SMOC2: variants seen among roughly 807,000 people sequenced by gnomAD.
SMOC2 encodes SPARC related modular calcium binding 2.
SMOC2 carries 39 observed loss-of-function variants against 61.4 expected under a neutral mutation model. The ratio of observed to expected loss-of-function variants is 0.64; its 90% confidence interval spans 0.49 to 0.83. The LOEUF is 0.83. Ranked by LOEUF, SMOC2 falls within the 40% of genes least tolerant of loss-of-function variation. The probability of loss-of-function intolerance (pLI) is 0.00; values close to 1 mark genes in which losing one functional copy is unlikely to be tolerated. For synonymous variants in SMOC2, 247 were observed against 239.9 expected (o/e 1.03, Z -0.27); for missense variants, 556 against 592.9 (o/e 0.94, Z 0.65).
intron 9 of SMOC2, among the ~76,000 whole-genome samples, chr6:168,622,351 G>A (rs1474759337): frequency 6.6e-6 from 1 of 151,902 alleles, no homozygotes; most frequent in African/African-American, 2.4e-5. Context: ...ATCAGAGCCT[G>A]TTCTGGCTTG....
intron 7 of SMOC2, among the ~76,000 whole-genome samples, chr6:168,591,722 G>A (rs1785185157): frequency 6.6e-6 from 1 of 150,522 alleles, no homozygotes; most frequent in South Asian, 2.1e-4. Flanking sequence ...TATCGGAATT[G>A]CTTCTATTTG....
intron 9 of SMOC2, among the ~76,000 whole-genome samples, chr6:168,624,270 T>C (rs989445825): frequency 6.6e-6 from 1 of 152,232 alleles, no homozygotes; most frequent in African/African-American, 2.4e-5. Flanking sequence ...CACCACCCTC[T>C]GTAACTTAGT....
chr6:168,511,856 G>A (rs1783018667), intron 2 of SMOC2, among the ~76,000 whole-genome samples: 1 of 133,294 alleles, frequency 7.5e-6, no homozygotes, highest in South Asian at 2.4e-4. Context: ...TTCAAAGTCA[G>A]AGTATTTCAG....
At chr6:168,585,912 T>C (rs1246449372) in intron 7 of SMOC2, among the ~76,000 whole-genome samples, 2 of 152,230 alleles carry the variant, frequency 1.3e-5, no homozygotes, top group African/African-American at 4.8e-5. Flanking sequence ...GTCAGCTGTG[T>C]ATATTAGGGA....
chr6:168,449,468 T>C (rs772120980), intron 1 of SMOC2, among the ~76,000 whole-genome samples: 4 of 152,178 alleles, frequency 2.6e-5, no homozygotes, highest in African/African-American at 7.2e-5. Flanking sequence ...TAAAAATAAT[T>C]TGAGAGATCT....
intron 4 of SMOC2, among the ~76,000 whole-genome samples, chr6:168,530,947 C>T (rs1343046162): frequency 6.6e-6 from 1 of 152,152 alleles, no homozygotes; most frequent in Non-Finnish European, 1.5e-5. Flanking sequence ...CACTGCGGTT[C>T]GCTCGGTTCA....
At chr6:168,480,239 G>A (rs1447277883) in intron 1 of SMOC2, among the ~76,000 whole-genome samples, 1 of 151,998 alleles carries the variant, frequency 6.6e-6, no homozygotes, top group Non-Finnish European at 1.5e-5. Context: ...GAGAAAATGT[G>A]GCATATTTAA....
intron 1 of SMOC2, among the ~76,000 whole-genome samples, chr6:168,502,305 C>G (rs557025148): frequency 2.0e-5 from 3 of 152,342 alleles, no homozygotes; most frequent in African/African-American, 7.2e-5. Context: ...CTCCATTGGA[C>G]AAGTGAAGAA....
chr6:168,531,115 G>A (rs1436469469), intron 4 of SMOC2, among the ~76,000 whole-genome samples: 1 of 152,084 alleles, frequency 6.6e-6, no homozygotes, highest in Non-Finnish European at 1.5e-5. Context: ...CAGCTCTGAG[G>A]GATGCATCCA....
At chr6:168,558,956 T>C (rs1231973357) in intron 7 of SMOC2, among the ~76,000 whole-genome samples, 1 of 151,344 alleles carries the variant, frequency 6.6e-6, no homozygotes, top group African/African-American at 2.4e-5. Context: ...TGCGTGTGCA[T>C]GTGTGTGTAC....
At chr6:168,464,705 G>A (rs528827946) in intron 1 of SMOC2, among the ~76,000 whole-genome samples, 13 of 152,144 alleles carry the variant, frequency 8.5e-5, no homozygotes, top group Non-Finnish European at 1.8e-4. Context: ...CATTTTTATC[G>A]TTGAATGTGT....
At position 168,526,395 on chromosome 6, in the gene SMOC2, G is replaced by C. The variant is rs1328545868; in HGVS notation, c.306G>C (p.Arg102=). The change falls in exon 3 of 13, where the codon CGG becomes CGC. Residue 102 remains arginine (R), a synonymous_variant. Transcript: ENST00000356284. ...GGAAGTATACCCAGGAGCAAGCCCG[G>C]AAGGAGTTTCAGCAAGTGTTCATTC... ...AERKYTQEQA[R]KEFQQVFIPE... 1.2e-6 allele frequency: 2 copies of C among 1,614,000 alleles called. No individual in the cohort carries two copies. Among genetic ancestry groups the C allele is most frequent in the Non-Finnish European group, 1.7e-6 (2 of 1,179,962 alleles).
At chr6:168,483,835 T>C (rs1211427148) in intron 1 of SMOC2, among the ~76,000 whole-genome samples, 1 of 152,136 alleles carries the variant, frequency 6.6e-6, no homozygotes, top group Admixed American at 6.5e-5. Flanking sequence ...AGGCCATTCG[T>C]TGGAAAGAGG....
chr6:168,532,335 G>C (rs1056298993), intron 4 of SMOC2, among the ~76,000 whole-genome samples: 3 of 152,148 alleles, frequency 2.0e-5, no homozygotes, highest in African/African-American at 7.2e-5. Flanking sequence ...CCTGGGATTG[G>C]GGGCCAGCTC....
At chr6:168,588,599 G>A (rs1464498661) in intron 7 of SMOC2, among the ~76,000 whole-genome samples, 3 of 152,208 alleles carry the variant, frequency 2.0e-5, no homozygotes, top group African/African-American at 4.8e-5. Flanking sequence ...GATTCTGTGT[G>A]ACAAGTGATT....
Position 168,553,405 on chromosome 6 carries a change from G to C in SMOC2, c.637+4202G>C, listed in dbSNP as rs1259700166. On this transcript the variant is annotated intron_variant, in intron 7 of 12. Coordinates refer to ENST00000356284, the MANE Select transcript of SMOC2 (RefSeq NM_001166412.2). The surrounding 1 kb of genome is among the most constrained non-coding windows in gnomAD (Gnocchi z 4.2). ...TTTTATCAGATAAGACATTTTGTAA[G>C]ATACAGTCTTTTAATTATGTAAGAT... Among the ~76,000 whole-genome samples the C allele has an allele frequency of 2.0e-5, 3 of 152,134 alleles. No individual in the cohort carries two copies. The highest frequency in any genetic ancestry group is 2.9e-5 in the Non-Finnish European group (2 of 68,024).
intron 1 of SMOC2, among the ~76,000 whole-genome samples, chr6:168,443,763 C>T (rs891571275): frequency 6.6e-6 from 1 of 152,176 alleles, no homozygotes; most frequent in Non-Finnish European, 1.5e-5. Flanking sequence ...TCTCTCCCTA[C>T]GATTTGCATC....
chr6:168,600,248 A>G (rs1321736992), intron 8 of SMOC2, among the ~76,000 whole-genome samples: 1 of 151,952 alleles, frequency 6.6e-6, no homozygotes, highest in East Asian at 1.9e-4. Flanking sequence ...ACTAGTAAAA[A>G]TACAAAAAAT....
Position 168,441,418 on chromosome 6 carries a change from C to T in SMOC2, c.48C>T (p.Leu16=), listed in dbSNP as rs1781202849. 1 of 1,509,676 alleles carries T rather than the reference C, an allele frequency of 6.6e-7. No homozygotes were observed. The allele number at this position is 1,509,676 out of a possible 1,614,324, so 93.5% of individuals were successfully genotyped here. Residue 16 remains leucine, a synonymous_variant, in exon 1 of 13, where the codon CTC becomes CTT. Transcript: ENST00000356284. The part of the protein sequence containing the change: ...LCWLPLLAGL[L]PPVPAQKFSA... ...GGCTGCCGCTGCTCGCTGGGCTGCT[C>T]CCGCCGGTGCCCGCTCAGAAGTTCT...
Sources: gnomAD v4.1 joint callset for allele counts (sites outside exome capture counted in the v4.1 genomes callset) on GRCh38, gnomAD v4.1.1 for gene constraint, Gnocchi (gnomAD v3.1) non-coding constraint, MANE v1.5 for transcripts, NCBI Gene and HGNC (gene_info 2026-07-23, HGNC 2026-07-21) for gene names.